Variants in CNTNAP2 observed in about 807,000 individuals in gnomAD.
CNTNAP2 encodes contactin associated protein 2, also known as contactin-associated protein-like 2.
A neutral mutation model predicts 155.2 loss-of-function variants in CNTNAP2; 98 were observed. The observed-to-expected ratio is 0.63, with a 90% CI of 0.54 to 0.75. The LOEUF is 0.75. Among genes scored for constraint, CNTNAP2 ranks in the 30% least tolerant of loss-of-function variants. CNTNAP2 has a pLI of 0.00. For missense variants in CNTNAP2, 1,727 were observed against 1,688.1 expected, an observed-to-expected ratio of 1.02 and a Z score of -0.40; for synonymous variants, 651 against 631.2, an observed-to-expected ratio of 1.03 and a Z score of -0.47.
At chr7:147,640,914 G>C (rs1338742996) in intron 13 of CNTNAP2, among the ~76,000 whole-genome samples, 1 of 152,152 alleles carries the variant, frequency 6.6e-6, no homozygotes, top group Non-Finnish European at 1.5e-5. Flanking sequence ...CGTTATTCAC[G>C]TAGCCCAGGG....
chr7:146,414,917 G>T (rs1356878562), intron 1 of CNTNAP2, among the ~76,000 whole-genome samples: 1 of 152,108 alleles, frequency 6.6e-6, no homozygotes, highest in Non-Finnish European at 1.5e-5. Context: ...AATAAGTACA[G>T]TCTCTTTTGG....
At chr7:146,482,324 A>G (rs984376755) in intron 1 of CNTNAP2, among the ~76,000 whole-genome samples, 2 of 151,464 alleles carry the variant, frequency 1.3e-5, no homozygotes, top group African/African-American at 4.8e-5. Flanking sequence ...GCATGTATTC[A>G]TTTTGGATAT....
chr7:146,951,059 T>G (rs188523031), intron 3 of CNTNAP2, among the ~76,000 whole-genome samples: 7 of 152,338 alleles, frequency 4.6e-5, no homozygotes, highest in Admixed American at 3.3e-4. Context: ...TATGAGCTTT[T>G]TTTCATATGT....
At chr7:146,317,154 T>A (rs11971782) in intron 1 of CNTNAP2, among the ~76,000 whole-genome samples, 2,085 of 152,332 alleles carry the variant, frequency 0.014, 50 homozygotes, top group African/African-American at 0.048. Flanking sequence ...TGAATTTCCT[T>A]TGATTATAAT....
chr7:146,512,789 A>G (rs1466984749), intron 1 of CNTNAP2, among the ~76,000 whole-genome samples: 1 of 151,834 alleles, frequency 6.6e-6, no homozygotes, highest in Non-Finnish European at 1.5e-5. Flanking sequence ...TCTTCTTTAA[A>G]AGTCATTTAG....
At chr7:146,309,461 C>T (rs749956120) in intron 1 of CNTNAP2, among the ~76,000 whole-genome samples, 1 of 152,070 alleles carries the variant, frequency 6.6e-6, no homozygotes, top group Admixed American at 6.6e-5. Flanking sequence ...AGCCATTTCA[C>T]GGGCCTTCTC....
chr7:146,810,844 A>G (rs1251866214), intron 2 of CNTNAP2, among the ~76,000 whole-genome samples: 1 of 152,138 alleles, frequency 6.6e-6, no homozygotes, highest in Non-Finnish European at 1.5e-5. Context: ...TTTTATGATA[A>G]AAGAACTTTT....
At chr7:147,088,771 C>T (rs1017441398) in intron 4 of CNTNAP2, among the ~76,000 whole-genome samples, 2 of 152,018 alleles carry the variant, frequency 1.3e-5, no homozygotes, top group East Asian at 3.9e-4. Flanking sequence ...AGAGAGACCC[C>T]ATCTCTACAC....
chr7:146,323,276 G>C (rs566408376), intron 1 of CNTNAP2, among the ~76,000 whole-genome samples: 40 of 151,850 alleles, frequency 2.6e-4, no homozygotes, highest in Non-Finnish European at 4.3e-4. Flanking sequence ...TTTGTCTAAA[G>C]GTTCTTTGTC....
intron 22 of CNTNAP2, among the ~76,000 whole-genome samples, chr7:148,405,132 C>T (rs1799668880): frequency 6.6e-6 from 1 of 152,122 alleles, no homozygotes; most frequent in South Asian, 2.1e-4. Context: ...CCCTCTTCTA[C>T]CCAGTATTTC....
At chr7:148,252,788 C>T (rs1796386213) in intron 20 of CNTNAP2, among the ~76,000 whole-genome samples, 1 of 152,098 alleles carries the variant, frequency 6.6e-6, no homozygotes, top group Admixed American at 6.6e-5. Flanking sequence ...GGCTCCCCAC[C>T]TGCTTCCTCA....
chr7:146,240,216 A>G (rs948223579), intron 1 of CNTNAP2, among the ~76,000 whole-genome samples: 1 of 152,206 alleles, frequency 6.6e-6, no homozygotes, highest in African/African-American at 2.4e-5. Flanking sequence ...TATCTAGGTT[A>G]ACTGGATAAC....
intron 1 of CNTNAP2, among the ~76,000 whole-genome samples, chr7:146,758,323 T>C (rs2129183539): frequency 6.6e-6 from 1 of 152,276 alleles, no homozygotes; most frequent in Middle Eastern, 3.4e-3. Context: ...CTCTAGATTG[T>C]AGTGCTTCTC....
chr7:146,920,691 C>T (rs568057096), intron 3 of CNTNAP2, among the ~76,000 whole-genome samples: 67 of 152,202 alleles, frequency 4.4e-4, no homozygotes, highest in Non-Finnish European at 6.6e-4. Flanking sequence ...TAGTTCTATA[C>T]TTAAATTTTT....
chr7:146,926,635 T>A (rs982958330), intron 3 of CNTNAP2, among the ~76,000 whole-genome samples: 11 of 152,152 alleles, frequency 7.2e-5, no homozygotes, highest in African/African-American at 2.7e-4. Flanking sequence ...TTGTAGCTTT[T>A]GAATGTTATC....
intron 12 of CNTNAP2, among the ~76,000 whole-genome samples, chr7:147,571,314 T>G (rs1323331339): frequency 7.5e-6 from 1 of 133,106 alleles, no homozygotes; most frequent in African/African-American, 2.8e-5. Flanking sequence ...ATGTTCCCCT[T>G]CCTGTGTCCA....
intron 10 of CNTNAP2, among the ~76,000 whole-genome samples, chr7:147,473,800 T>A (rs1798268574): frequency 6.6e-6 from 1 of 152,058 alleles, no homozygotes. Flanking sequence ...CCACTTAAAT[T>A]CGGGTGCGGT....
intron 10 of CNTNAP2, among the ~76,000 whole-genome samples, chr7:147,414,867 G>A (rs899707109): frequency 4.6e-5 from 7 of 150,586 alleles, no homozygotes; most frequent in African/African-American, 1.7e-4. Context: ...CGTGAACCTT[G>A]GGGGGTGGAG....
intron 13 of CNTNAP2, among the ~76,000 whole-genome samples, chr7:147,840,055 T>A (rs998036757): frequency 6.6e-6 from 1 of 151,904 alleles, no homozygotes; most frequent in African/African-American, 2.4e-5. Flanking sequence ...TTAAATGAAA[T>A]AACTCAGAAG....
Sources: gnomAD v4.1 joint callset for allele counts (sites outside exome capture counted in the v4.1 genomes callset) on GRCh38, gnomAD v4.1.1 for gene constraint, MANE v1.5 for transcripts, NCBI Gene and HGNC (gene_info 2026-07-23, HGNC 2026-07-21) for gene names.